Variants in IP6K1 observed in about 807,000 individuals in gnomAD.
IP6K1 encodes inositol hexakisphosphate kinase 1.
A neutral mutation model predicts 38.3 loss-of-function variants in IP6K1; 13 were observed. The observed-to-expected ratio is 0.34, with a 90% CI of 0.22 to 0.54. IP6K1 has a LOEUF of 0.54. Ranked by LOEUF, IP6K1 falls within the 20% of genes least tolerant of loss-of-function variation. IP6K1 has a pLI of 0.92. For synonymous variants in IP6K1, 212 were observed against 229.9 expected, an observed-to-expected ratio of 0.92 and a Z score of 0.70; for missense variants, 397 against 599.8, an observed-to-expected ratio of 0.66 and a Z score of 3.53.
At chr3:49,740,072 G>A (rs1375715695) in intron 2 of IP6K1, among the ~76,000 whole-genome samples, 1 of 152,004 alleles carries the variant, frequency 6.6e-6, no homozygotes. Flanking sequence ...TGTAATTCCA[G>A]CTCTTTGGGA....
intron 1 of IP6K1, among the ~76,000 whole-genome samples, chr3:49,784,077 C>T (rs909447898): frequency 1.3e-5 from 2 of 151,974 alleles, no homozygotes; most frequent in African/African-American, 4.8e-5. Context: ...AGTGCAGTGG[C>T]GCGATCTCAG....
intron 2 of IP6K1, among the ~76,000 whole-genome samples, chr3:49,747,244 CA>C (rs2080728101): frequency 6.6e-6 from 1 of 151,888 alleles, no homozygotes; most frequent in South Asian, 2.1e-4. Context: ...TAAACACTGA[CA>C]AAGATCAGAT....
intron 1 of IP6K1, among the ~76,000 whole-genome samples, chr3:49,761,287 C>G (rs2080866064): frequency 6.7e-6 from 1 of 149,048 alleles, no homozygotes; most frequent in Admixed American, 6.8e-5. Flanking sequence ...TGCACTCCAG[C>G]CTGGCGACAG....
At chr3:49,729,421 T>A (rs1011721739) in intron 4 of IP6K1, among the ~76,000 whole-genome samples, 12 of 151,742 alleles carry the variant, frequency 7.9e-5, no homozygotes, top group African/African-American at 1.5e-4. Context: ...ATTTTATTTT[T>A]TTTTTGAGAC....
At chr3:49,733,099 G>A (rs908640872) in intron 3 of IP6K1, 127 bp from the exon 4 acceptor site, 2 of 585,400 alleles carry the variant, frequency 3.4e-6, no homozygotes, top group African/African-American at 1.9e-5. Flanking sequence ...TTGCATTAAG[G>A]TCCCATGAGC....
chr3:49,774,355 C>G (rs1243465148), intron 1 of IP6K1, among the ~76,000 whole-genome samples: 1 of 131,394 alleles, frequency 7.6e-6, no homozygotes, highest in South Asian at 2.3e-4. Flanking sequence ...TTGCAGTGAG[C>G]TGAGATAGTG....
intron 1 of IP6K1, among the ~76,000 whole-genome samples, chr3:49,777,294 G>T (rs1234829615): frequency 6.6e-6 from 1 of 152,144 alleles, no homozygotes; most frequent in African/African-American, 2.4e-5. Context: ...AGGTGCAGTG[G>T]TTCATGCCTG....
At chr3:49,760,088 G>A (rs1438618439) in intron 1 of IP6K1, among the ~76,000 whole-genome samples, 1 of 152,026 alleles carries the variant, frequency 6.6e-6, no homozygotes, top group Non-Finnish European at 1.5e-5. Flanking sequence ...TAGAGATGAG[G>A]TCTCACTTTA....
At chr3:49,763,233 AGCT>A (rs1253511635) in intron 1 of IP6K1, among the ~76,000 whole-genome samples, 1 of 150,618 alleles carries the variant, frequency 6.6e-6, no homozygotes, top group Admixed American at 6.7e-5. Context: ...CCTCCCCAGC[AGCT>A]GGGACTACAG....
chr3:49,784,707 G>A (rs527771400), intron 1 of IP6K1, among the ~76,000 whole-genome samples: 1 of 152,010 alleles, frequency 6.6e-6, no homozygotes, highest in East Asian at 1.9e-4. Context: ...AACAATTTGG[G>A]AGGCGGAGGC....
intron 1 of IP6K1, among the ~76,000 whole-genome samples, chr3:49,769,765 G>A (rs2080942262): frequency 6.6e-6 from 1 of 152,138 alleles, no homozygotes; most frequent in African/African-American, 2.4e-5. Flanking sequence ...GGAGATAACT[G>A]CACGCCATGA....
intron 1 of IP6K1, among the ~76,000 whole-genome samples, chr3:49,771,385 C>G (rs888302299): frequency 2.6e-5 from 4 of 151,822 alleles, no homozygotes; most frequent in African/African-American, 9.7e-5. Flanking sequence ...AAAAAATGGG[C>G]AACAGATTTG....
rs2080636891 is a variant in IP6K1, at chr3:49,738,532, G to A, written c.224-110C>T. The A allele has an allele frequency of 1.9e-5, 15 of 775,462 alleles. No individual in the cohort carries two copies. In the South Asian group the frequency reaches 2.3e-4, roughly 12 times the overall value. The allele number at this position is 775,462 out of a possible 1,614,324, so 48.0% of individuals were successfully genotyped here. A position where few individuals can be genotyped will look rare whatever the true frequency, so the allele number is the denominator to read the frequency against. On this transcript the variant is annotated intron_variant, in intron 2 of 5. Coordinates refer to ENST00000321599, the MANE Select transcript of IP6K1 (RefSeq NM_153273.4). The stretch of plus-strand genomic sequence containing the variant: ...ACAGCATGAAGACATCACCTGCCCT[G>A]AACCAACTACAGATCAATATCAGAA...
chr3:49,772,522 C>T (rs2080969492), intron 1 of IP6K1, among the ~76,000 whole-genome samples: 1 of 151,810 alleles, frequency 6.6e-6, no homozygotes, highest in Admixed American at 6.6e-5. Flanking sequence ...CCCATCTCAG[C>T]CTCTCTAGTA....
chr3:49,735,016 G>A (rs1485491995), intron 3 of IP6K1, among the ~76,000 whole-genome samples: 1 of 152,126 alleles, frequency 6.6e-6, no homozygotes, highest in African/African-American at 2.4e-5. Context: ...CTTTTCACCA[G>A]ATGACTCATG....
intron 1 of IP6K1, among the ~76,000 whole-genome samples, chr3:49,766,663 T>G (rs1422149174): frequency 3.1e-5 from 4 of 130,874 alleles, no homozygotes; most frequent in Admixed American, 8.0e-5. Context: ...GACCTCATCT[T>G]AAAAAAAAAA....
intron 1 of IP6K1, among the ~76,000 whole-genome samples, chr3:49,772,382 A>C (rs1005663602): frequency 6.7e-6 from 1 of 149,708 alleles, no homozygotes; most frequent in Non-Finnish European, 1.5e-5. Context: ...CTATATATAC[A>C]TATATTGTCT....
chr3:49,735,108 G>A (rs1025673677), intron 3 of IP6K1, among the ~76,000 whole-genome samples: 1 of 152,148 alleles, frequency 6.6e-6, no homozygotes, highest in Non-Finnish European at 1.5e-5. Flanking sequence ...TAATCCTTAC[G>A]CTTTGGGAGG....
At chr3:49,740,847 T>C (rs1575309043) in intron 2 of IP6K1, among the ~76,000 whole-genome samples, 1 of 151,802 alleles carries the variant, frequency 6.6e-6, no homozygotes, top group Non-Finnish European at 1.5e-5. Context: ...TCCCTGTTTT[T>C]TCTTTTTTCT....
Sources: gnomAD v4.1 joint callset for allele counts (sites outside exome capture counted in the v4.1 genomes callset) on GRCh38, gnomAD v4.1.1 for gene constraint, MANE v1.5 for transcripts, NCBI Gene and HGNC (gene_info 2026-07-23, HGNC 2026-07-21) for gene names.